SPMIP3: variants seen among roughly 807,000 people sequenced by gnomAD.
SPMIP3 encodes sperm microtubule inner protein 3.
the SPMIP3 span, among the ~76,000 whole-genome samples, chr1:244,366,275 A>G: frequency 6.6e-5 from 10 of 152,256 alleles, no homozygotes; most frequent in South Asian, 1.9e-3. Context: ...CCTGGGCTCA[A>G]CTGATCTTCC....
chr1:244,379,043 C>T, the SPMIP3 span, among the ~76,000 whole-genome samples: 1 of 152,104 alleles, frequency 6.6e-6, no homozygotes, highest in Non-Finnish European at 1.5e-5. Flanking sequence ...ATTCTCCTGC[C>T]TCAGCCTCCT....
chr1:244,361,235 C>CTTTTTTTTTTTTTTTTTT, the SPMIP3 span, among the ~76,000 whole-genome samples: 54 of 119,296 alleles, frequency 4.5e-4, no homozygotes, highest in Non-Finnish European at 6.2e-4. Context: ...TTCTTTCTTT[C>CTTTTTTTTTTTTTTTTTT]TTTTTTTTTT....
At chr1:244,380,965 C>T in the SPMIP3 span, among the ~76,000 whole-genome samples, 189 of 151,740 alleles carry the variant, frequency 1.2e-3, no homozygotes, top group South Asian at 2.9e-3. Context: ...GGCTCCGAGA[C>T]GACTGGAGCC....
At chr1:244,377,252 G>A in the SPMIP3 span, among the ~76,000 whole-genome samples, 1 of 152,052 alleles carries the variant, frequency 6.6e-6, no homozygotes, top group Non-Finnish European at 1.5e-5. Flanking sequence ...CTCCCGAGTA[G>A]CTGGGACTAC....
the SPMIP3 span, chr1:244,352,774 G>T: frequency 6.6e-6 from 1 of 152,136 alleles, no homozygotes; most frequent in African/African-American, 2.4e-5. Flanking sequence ...CCTCTCTCTC[G>T]CCTCATTTAG....
the SPMIP3 span, among the ~76,000 whole-genome samples, chr1:244,373,688 G>T: frequency 6.6e-6 from 1 of 151,496 alleles, no homozygotes; most frequent in Non-Finnish European, 1.5e-5. Flanking sequence ...TATTAGGTTG[G>T]TGCAAAAGTA....
At chr1:244,355,968 C>T in the SPMIP3 span, among the ~76,000 whole-genome samples, 1 of 152,012 alleles carries the variant, frequency 6.6e-6, no homozygotes, top group Admixed American at 6.6e-5. Context: ...TTTTATTTAT[C>T]TAGAAATATG....
the SPMIP3 span, among the ~76,000 whole-genome samples, chr1:244,373,943 T>C: frequency 6.6e-6 from 1 of 151,822 alleles, no homozygotes; most frequent in African/African-American, 2.4e-5. Flanking sequence ...GTGAAACCCA[T>C]CTCTTCTAAA....
chr1:244,358,119 G>A, the SPMIP3 span, among the ~76,000 whole-genome samples: 105,533 of 151,710 alleles, frequency 0.7, 37,558 homozygotes, highest in South Asian at 0.8. Flanking sequence ...AATCCCAGCT[G>A]CTCGGGAGGC....
At chr1:244,360,127 T>C in the SPMIP3 span, among the ~76,000 whole-genome samples, 2 of 151,902 alleles carry the variant, frequency 1.3e-5, no homozygotes, top group Non-Finnish European at 2.9e-5. Flanking sequence ...AGTTCAACAT[T>C]ACTAATCATC....
At chr1:244,369,172 A>G in the SPMIP3 span, among the ~76,000 whole-genome samples, 1 of 151,988 alleles carries the variant, frequency 6.6e-6, no homozygotes, top group East Asian at 1.9e-4. Flanking sequence ...AAAAAAAATC[A>G]TATTATATGC....
At chr1:244,381,254 T>G in the SPMIP3 span, among the ~76,000 whole-genome samples, 4 of 152,106 alleles carry the variant, frequency 2.6e-5, no homozygotes, top group Non-Finnish European at 5.9e-5. Flanking sequence ...CCCACAGAAC[T>G]GGCTGAGCAC....
chr1:244,380,360 T>A, the SPMIP3 span, among the ~76,000 whole-genome samples: 3,702 of 152,182 alleles, frequency 0.024, 176 homozygotes, highest in African/African-American at 0.084. Context: ...TCTGAAGTGA[T>A]CCACCCACCT....
chr1:244,380,185 G>A, the SPMIP3 span, among the ~76,000 whole-genome samples: 2 of 140,812 alleles, frequency 1.4e-5, no homozygotes, highest in Non-Finnish European at 3.0e-5. Context: ...CTGGAGTGCA[G>A]TGGCACCATC....
chr1:244,364,197 C>A, the SPMIP3 span, among the ~76,000 whole-genome samples: 4 of 152,212 alleles, frequency 2.6e-5, no homozygotes, highest in African/African-American at 7.2e-5. Context: ...CTCCGCCTCC[C>A]GGGTTCACAC....
the SPMIP3 span, among the ~76,000 whole-genome samples, chr1:244,370,470 T>C: frequency 6.6e-6 from 1 of 152,338 alleles, no homozygotes; most frequent in East Asian, 1.9e-4. Context: ...GATTAGATAG[T>C]TGCCTAAACG....
At chr1:244,372,309 A>C in the SPMIP3 span, among the ~76,000 whole-genome samples, 6 of 152,328 alleles carry the variant, frequency 3.9e-5, no homozygotes, top group East Asian at 9.6e-4. Flanking sequence ...AGCATAGTGC[A>C]GGGTGTTTTG....
At chr1:244,362,010 TTCTC>T in the SPMIP3 span, among the ~76,000 whole-genome samples, 12 of 151,824 alleles carry the variant, frequency 7.9e-5, no homozygotes, top group Non-Finnish European at 1.2e-4. Context: ...TTCTTTCTCT[TTCTC>T]TCTCTCTCTC....
the SPMIP3 span, chr1:244,389,402 A>G: frequency 6.0e-6 from 1 of 166,742 alleles, no homozygotes; most frequent in Non-Finnish European, 1.3e-5. Flanking sequence ...AAAAATAAAA[A>G]AAAGAACCGG....
Sources: gnomAD v4.1 joint callset for allele counts (sites outside exome capture counted in the v4.1 genomes callset) on GRCh38, gnomAD v4.1.1 for gene constraint, MANE v1.5 for transcripts, NCBI Gene and HGNC (gene_info 2026-07-23, HGNC 2026-07-21) for gene names.